BMPER: variants seen among roughly 807,000 people sequenced by gnomAD.
The protein encoded by BMPER is BMP-binding endothelial regulator protein.
BMPER carries 45 observed loss-of-function variants against 87.3 expected under a neutral mutation model. The ratio of observed to expected loss-of-function variants is 0.52; its 90% CI spans 0.41 to 0.66. The LOEUF is 0.66. Among genes scored for constraint, BMPER ranks in the 30% least tolerant of loss-of-function variants. The pLI, the probability that BMPER is intolerant of heterozygous loss-of-function variation, is 0.00. For synonymous variants in BMPER, 326 were observed against 316.2 expected (o/e 1.03, Z -0.33); for missense variants, 784 against 867.5 (o/e 0.90, Z 1.21).
intron 13 of BMPER, among the ~76,000 whole-genome samples, chr7:34,122,428 G>A (rs1220398237): frequency 6.6e-6 from 1 of 152,178 alleles, no homozygotes; most frequent in African/African-American, 2.4e-5. Context: ...GTAGGGCTGA[G>A]GGTCTGCATT....
chr7:33,915,559 C>T (rs6958365), intron 2 of BMPER, among the ~76,000 whole-genome samples: 47,126 of 151,904 alleles, frequency 0.31, 8,144 homozygotes, highest in South Asian at 0.4. Flanking sequence ...ACCTGGTTGC[C>T]TGGTAGCTGT....
chr7:34,106,996 G>C (rs1049568044), intron 13 of BMPER, among the ~76,000 whole-genome samples: 3 of 151,884 alleles, frequency 2.0e-5, no homozygotes, highest in Non-Finnish European at 4.4e-5. Flanking sequence ...GAACTCCTAC[G>C]TGAGTTGTGA....
intron 6 of BMPER, among the ~76,000 whole-genome samples, chr7:34,039,585 G>C (rs1787775990): frequency 6.9e-6 from 1 of 144,246 alleles, no homozygotes; most frequent in Non-Finnish European, 1.5e-5. Flanking sequence ...CTCTAATCTA[G>C]TGGGTAAGAC....
At chr7:33,971,348 C>T (rs1785541642) in intron 5 of BMPER, among the ~76,000 whole-genome samples, 1 of 152,098 alleles carries the variant, frequency 6.6e-6, no homozygotes, top group South Asian at 2.1e-4. Flanking sequence ...AGCCTTTTCT[C>T]ACCCTTGAAT....
At chr7:34,000,787 T>G (rs1159735058) in intron 6 of BMPER, among the ~76,000 whole-genome samples, 2 of 152,110 alleles carry the variant, frequency 1.3e-5, no homozygotes, top group East Asian at 3.9e-4. Context: ...CAATGGGATA[T>G]AGCCCATTTC....
At chr7:33,948,712 C>T (rs764018274) in intron 3 of BMPER, among the ~76,000 whole-genome samples, 4 of 152,180 alleles carry the variant, frequency 2.6e-5, no homozygotes, top group Non-Finnish European at 5.9e-5. Flanking sequence ...CTTTGCCTTC[C>T]GCCATGATCG....
chr7:34,055,215 A>G lies in BMPER; in HGVS notation c.839A>G (p.Gln280Arg), dbSNP rs1190925094. 1.2e-6 allele frequency: 2 copies of G among 1,614,156 alleles called. No homozygotes were observed. The highest frequency in any genetic ancestry group is 1.1e-5 in the South Asian group (1 of 91,086). Residue 280 changes from glutamine to arginine, a missense_variant, in exon 9 of 15, where the codon CAA (glutamine) becomes CGA (arginine). Physicochemically the swap from Gln to Arg is conservative, Grantham distance 43. Coordinates refer to ENST00000649409, the MANE Select transcript of BMPER (RefSeq NM_001365308.1). Reference sequence around the variant, plus strand: ...TGCTCCCACCCTGGTGGCTGTGACCAAGGCCAGGAGGGCTGTTGTGAAGAG... The same window carrying G: ...TGCTCCCACCCTGGTGGCTGTGACCGAGGCCAGGAGGGCTGTTGTGAAGAG... ...RKCSHPGGCD[Q>R]GQEGCCEECL...
chr7:33,939,049 A>G (rs1477763923), intron 3 of BMPER, among the ~76,000 whole-genome samples: 5 of 152,110 alleles, frequency 3.3e-5, no homozygotes, highest in African/African-American at 1.2e-4. Flanking sequence ...AAAAAAAGAC[A>G]AAAAACGAGG....
chr7:33,908,448 T>C (rs543649796), intron 2 of BMPER, among the ~76,000 whole-genome samples: 1 of 152,206 alleles, frequency 6.6e-6, no homozygotes, highest in South Asian at 2.1e-4. Context: ...CCCACAGCAT[T>C]CCCCCCTTTT....
intron 6 of BMPER, among the ~76,000 whole-genome samples, chr7:34,044,288 T>C (rs1204947261): frequency 1.3e-5 from 2 of 152,230 alleles, no homozygotes; most frequent in Non-Finnish European, 2.9e-5. Context: ...GTTACTCTTT[T>C]GCAATTGTGC....
chr7:34,147,710 T>C (rs1027074888), intron 14 of BMPER, among the ~76,000 whole-genome samples: 7 of 152,230 alleles, frequency 4.6e-5, no homozygotes, highest in African/African-American at 1.7e-4. Context: ...CCTCAGGTGA[T>C]CTGCCTGCCT....
rs1785163707 is a variant in BMPER, at chr7:33,957,055, C to A, written c.320-9424C>A. ...CAGTTTCTTAAAGAACTAGACATAA[C>A]ACTTACCACATGACCCAGTAATTGC... On this transcript the variant is annotated intron_variant, in intron 3 of 14. Coordinates refer to ENST00000649409, the MANE Select transcript of BMPER (RefSeq NM_001365308.1). Among the ~76,000 whole-genome samples the A allele has an allele frequency of 4.6e-5, 7 of 152,242 alleles. No individual in the cohort carries two copies. In the South Asian group the frequency reaches 1.5e-3, roughly 32 times the overall value.
At chr7:34,017,562 A>G (rs1787061918) in intron 6 of BMPER, among the ~76,000 whole-genome samples, 1 of 151,892 alleles carries the variant, frequency 6.6e-6, no homozygotes, top group Non-Finnish European at 1.5e-5. Context: ...GAATTATGGG[A>G]GCTACAGTTC....
chr7:34,055,453 T>A (rs1441761890), intron 9 of BMPER, 150 bp downstream of exon 9: 16 of 982,606 alleles, frequency 1.6e-5, no homozygotes, highest in Non-Finnish European at 2.3e-5. Context: ...TGTATTTATA[T>A]TACAGTATTA....
chr7:34,002,033 A>G (rs1373739078), intron 6 of BMPER, among the ~76,000 whole-genome samples: 1 of 151,588 alleles, frequency 6.6e-6, no homozygotes, highest in African/African-American at 2.4e-5. Flanking sequence ...ACATATTTTT[A>G]TTATTTAAAT....
chr7:34,097,498 T>C (rs771717723), intron 13 of BMPER, among the ~76,000 whole-genome samples: 8 of 152,218 alleles, frequency 5.3e-5, no homozygotes, highest in Non-Finnish European at 1.0e-4. Context: ...TTGCTCATCA[T>C]TCATTTATTT....
upstream of BMPER, chr7:33,905,392 T>C: frequency 2.5e-6 from 1 of 406,008 alleles, no homozygotes; most frequent in Non-Finnish European, 4.4e-6. Flanking sequence ...CGGAGGAGCC[T>C]GGCCGCAGGA....
At chr7:34,118,680 G>T (rs10236500) in intron 13 of BMPER, among the ~76,000 whole-genome samples, 3,004 of 152,244 alleles carry the variant, frequency 0.02, 97 homozygotes, top group African/African-American at 0.068. Context: ...TATACAAATA[G>T]TCAAATATTA....
At chr7:33,993,932 G>GGGGGTCA (rs1354075333) in intron 6 of BMPER, among the ~76,000 whole-genome samples, 1 of 152,040 alleles carries the variant, frequency 6.6e-6, no homozygotes, top group Non-Finnish European at 1.5e-5. Context: ...TAGGCTGCTC[G>GGGGGTCA]GGGGTCAGGG....
Sources: allele counts gnomAD v4.1 joint callset (sites outside exome capture counted in the v4.1 genomes callset), GRCh38; gene constraint gnomAD v4.1.1; transcripts MANE v1.5; gene names NCBI Gene and HGNC (gene_info 2026-07-23, HGNC 2026-07-21).